Variants in ADSS1 observed in about 807,000 individuals in gnomAD.
ADSS1 encodes adenylosuccinate synthase 1, also known as adenylosuccinate synthetase isozyme 1.
Under a neutral mutation model 59.1 loss-of-function variants are expected in ADSS1, and 57 were observed. The ratio of observed to expected loss-of-function variants is 0.97; its 90% confidence interval spans 0.78 to 1.20. The LOEUF (loss-of-function observed/expected upper bound fraction) is 1.20, where lower values mean the gene tolerates loss of function less well. ADSS1 is among the 50% of genes most tolerant of loss of function. The pLI, the probability that ADSS1 is intolerant of heterozygous loss-of-function variation, is 0.00. For synonymous variants in ADSS1, 247 were observed against 249.4 expected, an observed-to-expected ratio of 0.99 and a Z score of 0.09; for missense variants, 603 against 610.3, an observed-to-expected ratio of 0.99 and a Z score of 0.13.
At chr14:104,727,368 G>T (rs983605148) in intron 1 of ADSS1, among the ~76,000 whole-genome samples, 1 of 151,830 alleles carries the variant, frequency 6.6e-6, no homozygotes, top group African/African-American at 2.4e-5. Context: ...ATTCCAGGGC[G>T]GCTCTGGGTC....
chr14:104,744,015 C>G (rs946814983), intron 10 of ADSS1, among the ~76,000 whole-genome samples: 1 of 152,096 alleles, frequency 6.6e-6, no homozygotes, highest in Non-Finnish European at 1.5e-5. Context: ...AAAAACAGAG[C>G]CCATGGCACA....
chr14:104,734,512 C>T (rs891533744), intron 1 of ADSS1, among the ~76,000 whole-genome samples: 3 of 152,232 alleles, frequency 2.0e-5, no homozygotes, highest in Non-Finnish European at 2.9e-5. Flanking sequence ...AGCAGGAATC[C>T]CCCCAGAGAG....
chr14:104,724,258 G>A lies in ADSS1; in HGVS notation c.-13G>A. On this transcript the variant is annotated 5_prime_UTR_variant, in exon 1 of 13. Transcript: ENST00000330877. The stretch of plus-strand genomic sequence containing the variant: ...TCCTGGCCGGGCCAGCGCAGCGGAA[G>A]AGCCAAGCCAGCATGTCGGGGACCC... The A allele has an allele frequency of 8.2e-7, 1 of 1,226,574 alleles. No homozygotes were observed. Among genetic ancestry groups the A allele is most frequent in the Non-Finnish European group, 1.0e-6 (1 of 983,680 alleles). 76.0% of individuals were successfully genotyped at this position (1,226,574 alleles called of 1,614,324 possible). A position where few individuals can be genotyped will look rare whatever the true frequency, so the allele number is the denominator to read the frequency against.
At position 104,724,347 on chromosome 14, in the gene ADSS1, C is replaced by A; in HGVS notation, c.77C>A (p.Ala26Glu). 2 of 1,242,868 alleles carry A rather than the reference C, an allele frequency of 1.6e-6. No homozygotes were observed. The highest frequency in any genetic ancestry group is 1.0e-6 in the Non-Finnish European group (1 of 989,150). The allele number at this position is 1,242,868 out of a possible 1,614,324, so 77.0% of individuals were successfully genotyped here. A position where few individuals can be genotyped will look rare whatever the true frequency, so the allele number is the denominator to read the frequency against. Residue 26 changes from alanine (A) to glutamate (E), a missense_variant, in exon 1 of 13, where the codon GCG (alanine) becomes GAG (glutamate). By Grantham distance (107) the Ala-to-Glu change is moderately radical. Coordinates refer to ENST00000330877, the MANE Select transcript of ADSS1 (RefSeq NM_152328.5). The part of the protein sequence containing the change: ...GVKRGRLQQE[A>E]AATGSRVTVV... ...AAGCGGGGGCGGCTGCAGCAGGAGG[C>A]GGCGGCGACCGGCTCCCGCGTGACG... is the stretch of plus-strand genomic sequence containing the variant.
intron 1 of ADSS1, among the ~76,000 whole-genome samples, chr14:104,726,294 G>T (rs1890716238): frequency 6.6e-6 from 1 of 152,242 alleles, no homozygotes; most frequent in Non-Finnish European, 1.5e-5. Flanking sequence ...TGCCACATTT[G>T]GAGCCCTCAC....
rs527839589 is a variant in ADSS1, at chr14:104,740,673, C to T, written c.549C>T (p.Cys183=). The change falls in exon 6 of 13, where the codon TGC becomes TGT. Residue 183 remains cysteine, a synonymous_variant. Coordinates refer to ENST00000330877, the MANE Select transcript of ADSS1 (RefSeq NM_152328.5). This position sits in a 1 kb window ranked among gnomAD's most constrained non-coding sequence, Gnocchi z 4.8. ...CTGCCCGGACAGGCCTCCGCATCTG[C>T]GACCTCCTGTCAGATTTTGATGAGT... ...SKAARTGLRI[C]DLLSDFDEFS... 110 of 1,613,942 alleles carry T rather than the reference C, an allele frequency of 6.8e-5. No homozygotes were observed. The South Asian group carries it at 9.6e-4, about 14-fold the overall frequency.
Position 104,740,605 on chromosome 14 carries a change from G to A in ADSS1, c.481G>A (p.Gly161Ser). Reference sequence around the variant, plus strand: ...TACCCACTCCCCATCTTTCAGTATAGGCACCACCAAGAAGGGAATCGGACC... The same window carrying A: ...TACCCACTCCCCATCTTTCAGTATAAGCACCACCAAGAAGGGAATCGGACC... ...QRQAQEGKNIGTTKKGIGPTY... is the reference protein window; with the variant it reads ...QRQAQEGKNISTTKKGIGPTY... The change falls in exon 6 of 13, where the codon GGC becomes AGC. Residue 161 changes from glycine to serine, a missense_variant. Transcript: ENST00000330877. The surrounding 1 kb of genome is among the most constrained non-coding windows in gnomAD (Gnocchi z 4.8). The A allele has an allele frequency of 6.2e-7, 1 of 1,613,652 alleles. No homozygotes were observed. Among genetic ancestry groups the A allele is most frequent in the South Asian group, 1.1e-5 (1 of 91,064 alleles).
chr14:104,728,671 C>A (rs1282935677), intron 1 of ADSS1, among the ~76,000 whole-genome samples: 1 of 152,220 alleles, frequency 6.6e-6, no homozygotes, highest in Non-Finnish European at 1.5e-5. Flanking sequence ...GTGCCAGTGC[C>A]AAGAGGTTGG....
intron 1 of ADSS1, among the ~76,000 whole-genome samples, chr14:104,732,524 C>G (rs940296397): frequency 6.6e-6 from 1 of 152,226 alleles, no homozygotes. Context: ...TGGCCTGGCA[C>G]TGGCCCTGCG....
At chr14:104,741,318 G>A (rs1032307005) in intron 8 of ADSS1, 75 bp downstream of exon 8, 4 of 1,497,110 alleles carry the variant, frequency 2.7e-6, no homozygotes, top group Non-Finnish European at 3.6e-6. Context: ...AGAGCCGTGG[G>A]AACCGATGGG....
intron 11 of ADSS1, chr14:104,745,234 C>T (rs1891513014): frequency 3.3e-6 from 1 of 305,174 alleles, no homozygotes; most frequent in South Asian, 4.0e-5. Context: ...CAGGGAGCCA[C>T]GGGAGGCACA....
At chr14:104,724,613 C>A in intron 1 of ADSS1, 151 bp downstream of exon 1, 1 of 981,942 alleles carries the variant, frequency 1.0e-6, no homozygotes, top group South Asian at 5.3e-5. Flanking sequence ...CCACCCCACC[C>A]ACGCACGCAC....
chr14:104,730,192 C>T, intron 1 of ADSS1: 2 of 1,523,998 alleles, frequency 1.3e-6, no homozygotes, highest in Non-Finnish European at 1.8e-6. Context: ...GAGCCGGATC[C>T]TTAACACCTG....
chr14:104,730,519 C>T (rs767115137), intron 1 of ADSS1, among the ~76,000 whole-genome samples: 2 of 152,086 alleles, frequency 1.3e-5, no homozygotes, highest in African/African-American at 2.4e-5. Context: ...TAAAGCTGTC[C>T]AGGCTGTGTA....
At chr14:104,744,557 A>G (rs1891487114) in intron 10 of ADSS1, 2 of 489,422 alleles carry the variant, frequency 4.1e-6, no homozygotes, top group African/African-American at 1.9e-5. Context: ...TCGCATGCAC[A>G]GTTCACAATA....
In ADSS1 at chr14:104,726,026, C is replaced by T. The variant is rs560587607; in HGVS notation, c.192+1564C>T. ...AGCCCCGCTCACTCGCAGCTGCACA[C>T]GGGAGCACGGAGGATGCAGCAGGCT... On this transcript the variant is annotated intron_variant, in intron 1 of 12. Transcript: ENST00000330877. 3.3e-5 allele frequency among the ~76,000 whole-genome samples: 5 copies of T among 152,304 alleles called. No individual in the cohort carries two copies. In the East Asian group the frequency reaches 9.6e-4, roughly 29 times the overall value.
rs1447357804 is a variant in ADSS1 at position 104,740,023 on chromosome 14, C to T, written c.476+207C>T. Among the ~76,000 whole-genome samples the T allele has an allele frequency of 6.6e-6, 1 of 152,188 alleles. No homozygotes were observed. Among genetic ancestry groups the T allele is most frequent in the South Asian group, 2.1e-4 (1 of 4,830 alleles). On this transcript the variant is annotated intron_variant, in intron 5 of 12. Transcript: ENST00000330877. The surrounding 1 kb of genome is among the most constrained non-coding windows in gnomAD (Gnocchi z 4.8). ...TCTCTCTCTGGGGTTGCACACTGTC[C>T]TTGCCGGCTGCCACTGCCACGCGGC...
At position 104,747,109 on chromosome 14, in the gene ADSS1, C is replaced by T; in HGVS notation, c.*106C>T. On this transcript the variant is annotated 3_prime_UTR_variant, in exon 13 of 13. Transcript: ENST00000330877. ...ACAACCAACACCAAAGCAGGAAAACCATTTTCTGTACTTTTATATTTCTGT... is the reference window on the plus strand; with the variant it reads ...ACAACCAACACCAAAGCAGGAAAACTATTTTCTGTACTTTTATATTTCTGT... 3.0e-6 allele frequency: 3 copies of T among 1,012,728 alleles called. No individual in the cohort carries two copies. The highest frequency in any genetic ancestry group is 2.4e-5 in the Admixed American group (1 of 40,822). The allele number at this position is 1,012,728 out of a possible 1,614,324, so 62.7% of individuals were successfully genotyped here.
At chr14:104,735,222 G>C in intron 2 of ADSS1, 100 bp downstream of exon 2, 2 of 1,110,710 alleles carry the variant, frequency 1.8e-6, no homozygotes, top group South Asian at 2.9e-5. Context: ...GCCTGGTGAT[G>C]ACTGCTCTAG....
Sources: gnomAD v4.1 joint callset for allele counts (sites outside exome capture counted in the v4.1 genomes callset) on GRCh38, gnomAD v4.1.1 for gene constraint, Gnocchi (gnomAD v3.1) non-coding constraint, MANE v1.5 for transcripts, NCBI Gene and HGNC (gene_info 2026-07-23, HGNC 2026-07-21) for gene names.